The following D2HGDH variants were observed in gnomAD, a reference collection of about 807,000 sequenced individuals.
D2HGDH encodes the protein D-2-hydroxyglutarate dehydrogenase, also known as D-2-hydroxyglutarate dehydrogenase, mitochondrial.
A neutral mutation model predicts 46.9 loss-of-function variants in D2HGDH; 31 were observed. The ratio of observed to expected loss-of-function variants is 0.66; its 90% CI spans 0.50 to 0.89. The LOEUF is 0.89. Ranked by LOEUF, D2HGDH falls within the 40% of genes least tolerant of loss-of-function variation. The pLI, the probability that D2HGDH is intolerant of heterozygous loss-of-function variation, is 0.00. For synonymous variants in D2HGDH, 364 were observed against 332.6 expected (o/e 1.09, Z -1.03); for missense variants, 698 against 720.8 (o/e 0.97, Z 0.36).
chr2:241,760,524 G>T (rs1460098712), intron 9 of D2HGDH, among the ~76,000 whole-genome samples: 2 of 151,618 alleles, frequency 1.3e-5, no homozygotes, highest in Admixed American at 1.3e-4. Flanking sequence ...AGCGTGGGTG[G>T]GCCTTACCCA....
intron 2 of D2HGDH, among the ~76,000 whole-genome samples, chr2:241,738,028 C>T (rs182993349): frequency 8.5e-5 from 13 of 152,302 alleles, no homozygotes; most frequent in Non-Finnish European, 1.2e-4. Context: ...AGAAAGTTAG[C>T]AAGTTGAACT....
intron 6 of D2HGDH, among the ~76,000 whole-genome samples, chr2:241,748,121 T>TTTTTG (rs1696361863): frequency 6.6e-6 from 1 of 150,604 alleles, no homozygotes; most frequent in Admixed American, 6.6e-5. Flanking sequence ...TCTTCAGCGT[T>TTTTTG]TTTTTGTTTT....
rs773270669 is a variant in D2HGDH at position 241,744,884 on chromosome 2, T to G, written c.853+7T>G. The G allele has an allele frequency of 1.2e-6, 2 of 1,613,864 alleles. No homozygotes were observed. Among genetic ancestry groups the G allele is most frequent in the East Asian group, 2.2e-5 (1 of 44,882 alleles). On this transcript the variant is annotated splice_region_variant and intron_variant, in intron 6 of 9. Coordinates refer to ENST00000321264, the MANE Select transcript of D2HGDH (RefSeq NM_152783.5). ...GTGAACGTGGCTTTCCTCGGTGGGCTTCCTCGATGTGTGCCTTGAGATGGG... is the reference window on the plus strand; with the variant it reads ...GTGAACGTGGCTTTCCTCGGTGGGCGTCCTCGATGTGTGCCTTGAGATGGG...
Position 241,735,428 on chromosome 2 carries a change from C to A in D2HGDH, c.204C>A (p.Ala68=). 1.2e-6 allele frequency: 2 copies of A among 1,608,170 alleles called. No homozygotes were observed. The highest frequency in any genetic ancestry group is 1.7e-6 in the Non-Finnish European group (2 of 1,179,078). ...CCACGGTGTCTAAGCAGGACCTGGC[C>A]GCCTTTGAGCGCATCGTGCCCGGCG... ...PFSTVSKQDL[A]AFERIVPGGV... is the part of the protein sequence containing the mutation. Residue 68 remains alanine (A), a synonymous_variant, in exon 2 of 10, where the codon GCC becomes GCA. Transcript: ENST00000321264.
At chr2:241,735,007 C>T (rs1015983366) in intron 1 of D2HGDH, 126 bp from the exon 2 acceptor site, 7 of 550,988 alleles carry the variant, frequency 1.3e-5, no homozygotes, top group African/African-American at 6.1e-5. Flanking sequence ...GCGGCCCGGG[C>T]AGGGGGAGGG....
At position 241,767,998 on chromosome 2, in the gene D2HGDH, C is replaced by T; in HGVS notation, c.*29C>T. The T allele has an allele frequency of 6.4e-7, 1 of 1,564,214 alleles. No individual in the cohort carries two copies. The highest frequency in any genetic ancestry group is 2.3e-5 in the East Asian group (1 of 42,920). On this transcript the variant is annotated 3_prime_UTR_variant, in exon 10 of 10. Coordinates refer to ENST00000321264, the MANE Select transcript of D2HGDH (RefSeq NM_152783.5). ...CCACTCCTGCTGCTGCCAAGGCCCACTGGGGGTCGGCGGGTGGCTCTCGGG... is the reference window on the plus strand; with the variant it reads ...CCACTCCTGCTGCTGCCAAGGCCCATTGGGGGTCGGCGGGTGGCTCTCGGG...
rs1360460641 is a variant in D2HGDH, at chr2:241,735,198, G to A, written c.-27G>A. The A allele has an allele frequency of 4.0e-6, 6 of 1,500,608 alleles. No individual in the cohort carries two copies. In the South Asian group the frequency reaches 6.2e-5, roughly 16 times the overall value. The allele number at this position is 1,500,608 out of a possible 1,614,324, so 93.0% of individuals were successfully genotyped here. On this transcript the variant is annotated 5_prime_UTR_variant, in exon 2 of 10. Transcript: ENST00000321264. ...TGAGTACCGGCCCCCCACCAAGGAG[G>A]AGCCCGAGGTCTCCGTCCCGGCGGC... is the stretch of plus-strand genomic sequence containing the variant.
At chr2:241,758,648 C>A (rs933450530) in intron 9 of D2HGDH, among the ~76,000 whole-genome samples, 1 of 152,062 alleles carries the variant, frequency 6.6e-6, no homozygotes, top group Non-Finnish European at 1.5e-5. Context: ...CAGTGGTTCA[C>A]GCCTATAATC....
rs376955745 is a variant in D2HGDH at position 241,744,877 on chromosome 2, G to A, written c.853G>A (p.Gly285Ser). Residue 285 changes from glycine to serine, a missense_variant and splice_region_variant, in exon 6 of 10, where the codon GGC (glycine) becomes AGC (serine). Gly to Ser is a moderately conservative substitution (Grantham distance 56, BLOSUM62 0). Transcript: ENST00000321264. ...CAGGGCTGTGAACGTGGCTTTCCTCGGTGGGCTTCCTCGATGTGTGCCTTG... is the reference window on the plus strand; with the variant it reads ...CAGGGCTGTGAACGTGGCTTTCCTCAGTGGGCTTCCTCGATGTGTGCCTTG... ...KPRAVNVAFL[G>S]CPGFAEVLQT... 1.2e-6 allele frequency: 2 copies of A among 1,614,020 alleles called. No homozygotes were observed. The highest frequency in any genetic ancestry group is 1.7e-6 in the Non-Finnish European group (2 of 1,179,938).
In D2HGDH at chr2:241,734,681, G is replaced by C. The variant is rs1263408722; in HGVS notation, c.-107G>C. On this transcript the variant is annotated 5_prime_UTR_variant, in exon 1 of 10. Coordinates refer to ENST00000321264, the MANE Select transcript of D2HGDH (RefSeq NM_152783.5). ...CGGCGGGCGCTGCGGGTTGGAGCTCGGGACGTGATCGTGGGTGCGTGCGCG... is the reference window on the plus strand; with the variant it reads ...CGGCGGGCGCTGCGGGTTGGAGCTCCGGACGTGATCGTGGGTGCGTGCGCG... 1 of 151,084 alleles carries C rather than the reference G, an allele frequency of 6.6e-6. No individual in the cohort carries two copies. The highest frequency in any genetic ancestry group is 2.4e-5 in the African/African-American group (1 of 41,330). The allele number at this position is 151,084 out of a possible 1,614,324, so 9.4% of individuals were successfully genotyped here.
chr2:241,757,068 A>C (rs900999723), intron 9 of D2HGDH, among the ~76,000 whole-genome samples: 26 of 152,196 alleles, frequency 1.7e-4, no homozygotes, highest in African/African-American at 6.3e-4. Context: ...GTACGTGACG[A>C]CAATAACACG....
At chr2:241,736,670 C>CT (rs768906916) in intron 2 of D2HGDH, among the ~76,000 whole-genome samples, 40,091 of 147,164 alleles carry the variant, frequency 0.27, 5,732 homozygotes, top group Non-Finnish European at 0.32. Context: ...ACCGTTTATC[C>CT]GTTTTTTTTT....
chr2:241,752,759 A>G (rs1697472679), intron 8 of D2HGDH, among the ~76,000 whole-genome samples: 1 of 151,534 alleles, frequency 6.6e-6, no homozygotes, highest in South Asian at 2.1e-4. Context: ...TCAGTCATGC[A>G]GCCCCCACAC....
chr2:241,742,471 G>C lies in D2HGDH; in HGVS notation c.387G>C (p.Gln129His). The stretch of plus-strand genomic sequence containing the variant: ...AGAGGAACCTGGCCGTGAACCCACA[G>C]GGGGGCAACACAGGCATGGTGGGTG... The part of the protein sequence containing the change: ...CHERNLAVNP[Q>H]GGNTGMVGGS... The change falls in exon 4 of 10, where the codon CAG (glutamine) becomes CAC (histidine). Residue 129 changes from glutamine to histidine, a missense_variant. Coordinates refer to ENST00000321264, the MANE Select transcript of D2HGDH (RefSeq NM_152783.5). This position sits in a 1 kb window ranked among gnomAD's most constrained non-coding sequence, Gnocchi z 4.8. 1 of 1,613,790 alleles carries C rather than the reference G, an allele frequency of 6.2e-7. No individual in the cohort carries two copies. The highest frequency in any genetic ancestry group is 1.3e-5 in the African/African-American group (1 of 75,022).
Position 241,741,099 on chromosome 2 carries a change from G to T in D2HGDH, c.350+9G>T, listed in dbSNP as rs749785857. 5.6e-6 allele frequency: 9 copies of T among 1,612,700 alleles called. No homozygotes were observed. In the South Asian group the frequency reaches 9.9e-5, roughly 18 times the overall value. On this transcript the variant is annotated intron_variant, in intron 3 of 9. Coordinates refer to ENST00000321264, the MANE Select transcript of D2HGDH (RefSeq NM_152783.5). ...GTGTCCCACATCCTCAGGTGAGGTG[G>T]TGGCTCCCGGCTCCCCCAGCCTTCC...
chr2:241,746,310 T>C (rs549916851), intron 6 of D2HGDH, among the ~76,000 whole-genome samples: 1 of 152,332 alleles, frequency 6.6e-6, no homozygotes, highest in East Asian at 1.9e-4. Context: ...TGCTGTGTTT[T>C]ATTTGCTGCT....
intron 5 of D2HGDH, among the ~76,000 whole-genome samples, chr2:241,744,078 C>T (rs1002976145): frequency 3.3e-5 from 5 of 152,160 alleles, no homozygotes; most frequent in Admixed American, 2.6e-4. Flanking sequence ...CAGGGGACAC[C>T]GCCCCGGCAG....
rs372136379 is a variant in D2HGDH at position 241,751,341 on chromosome 2, G to A, written c.1093G>A (p.Gly365Ser). ...GHFLEHALGS[G>S]LVTDGTMATD... is the part of the protein sequence containing the mutation. ...CTTCCTGGAGCACGCGCTGGGCTCC[G>A]GCCTGGTGACCGATGGGACCATGGC... Residue 365 changes from glycine (G) to serine (S), a missense_variant, in exon 8 of 10, where the codon GGC becomes AGC. Coordinates refer to ENST00000321264, the MANE Select transcript of D2HGDH (RefSeq NM_152783.5). 1.4e-5 allele frequency: 22 copies of A among 1,613,648 alleles called. No homozygotes were observed. The African/African-American group carries it at 1.5e-4, about 11-fold the overall frequency.
intron 6 of D2HGDH, among the ~76,000 whole-genome samples, chr2:241,747,497 G>A (rs1446323650): frequency 6.6e-6 from 1 of 151,304 alleles, no homozygotes; most frequent in Non-Finnish European, 1.5e-5. Flanking sequence ...TAGCAAGTCA[G>A]TGTAGGGCTG....
Sources: gnomAD v4.1 joint callset for allele counts (sites outside exome capture counted in the v4.1 genomes callset) on GRCh38, gnomAD v4.1.1 for gene constraint, Gnocchi (gnomAD v3.1) non-coding constraint, MANE v1.5 for transcripts, NCBI Gene and HGNC (gene_info 2026-07-23, HGNC 2026-07-21) for gene names.